The following KLK9 variants were observed in gnomAD, a reference collection of about 807,000 sequenced individuals.
KLK9 encodes the protein kallikrein related peptidase 9.
In KLK9, 26 loss-of-function variants were observed where a neutral mutation model predicts 23.3. The ratio of observed to expected loss-of-function variants is 1.12; its 90% CI spans 0.82 to 1.55. The LOEUF is 1.55. Among genes scored for constraint, KLK9 ranks in the 40% most tolerant of loss-of-function variants. The pLI, the probability that KLK9 is intolerant of heterozygous loss-of-function variation, is 0.00. For missense variants in KLK9, 346 were observed against 333.7 expected (o/e 1.04, Z -0.29); for synonymous variants, 122 against 128.5 (o/e 0.95, Z 0.34).
chr19:51,009,226 T>C lies in KLK9; in HGVS notation c.157A>G (p.Ile53Val). ...GCTGTGAGCAGCCAGCGGTCACTGA[T>C]GAGGGTCGCCCCACAGAAGAGCCGA... is the stretch of plus-strand genomic sequence containing the variant. The part of the protein sequence containing the change: ...LTRLFCGATL[I>V]SDRWLLTAAH... The change falls in exon 2 of 5, where the codon ATC becomes GTC. Residue 53 changes from isoleucine to valine, a missense_variant. Ile to Val is a conservative substitution (Grantham distance 29). Transcript: ENST00000594211. The surrounding 1 kb of genome is among the most constrained non-coding windows in gnomAD (Gnocchi z 4.8). The C allele has an allele frequency of 6.2e-7, 1 of 1,610,394 alleles. No individual in the cohort carries two copies.
intron 3 of KLK9, 103 bp from the exon 4 acceptor site, chr19:51,003,943 G>A: frequency 2.2e-6 from 2 of 891,780 alleles, no homozygotes; most frequent in South Asian, 3.1e-5. Context: ...GACCAATGGA[G>A]CCACATTTAG....
chr19:51,004,697 G>T, intron 3 of KLK9, among the ~76,000 whole-genome samples: 1 of 137,398 alleles, frequency 7.3e-6, no homozygotes. Flanking sequence ...GCAAGACTCA[G>T]TCTCTTAAAA....
At position 51,002,661 on chromosome 19, in the gene KLK9, C is replaced by G. The variant is rs763809438; in HGVS notation, c.*450G>C. The G allele has an allele frequency of 5.7e-5, 9 of 157,580 alleles. No homozygotes were observed. Among genetic ancestry groups the G allele is most frequent in the Admixed American group, 1.9e-4 (3 of 15,462 alleles). The allele number at this position is 157,580 out of a possible 1,614,324, so 9.8% of individuals were successfully genotyped here. ...CCACAAGGGGCTGAGCTCTACACCG[C>G]CCGAGCTCCACGTGGGCGGAGCTAC... On this transcript the variant is annotated 3_prime_UTR_variant, in exon 5 of 5. Transcript: ENST00000594211.
Position 51,009,120 on chromosome 19 carries a change from C to G in KLK9, c.200+63G>C. The G allele has an allele frequency of 6.5e-7, 1 of 1,544,400 alleles. No homozygotes were observed. The highest frequency in any genetic ancestry group is 1.2e-5 in the South Asian group (1 of 83,798). On this transcript the variant is annotated intron_variant, in intron 2 of 4. Transcript: ENST00000594211. The surrounding 1 kb of genome is among the most constrained non-coding windows in gnomAD (Gnocchi z 4.8). Reference sequence around the variant, plus strand: ...CTCCGCACTTCTGGCCTAAAGCACCCCTCACCCTCTCCTGACCCCCAGCCT... The same window carrying G: ...CTCCGCACTTCTGGCCTAAAGCACCGCTCACCCTCTCCTGACCCCCAGCCT...
chr19:51,009,295 G>A lies in KLK9; in HGVS notation c.88C>T (p.Arg30Cys), dbSNP rs764804237. Residue 30 changes from arginine to cysteine, a missense_variant, in exon 2 of 5, where the codon CGC becomes TGC. Transcript: ENST00000594211. The surrounding 1 kb of genome is among the most constrained non-coding windows in gnomAD (Gnocchi z 4.8). ...GCCTGCCAAGGCTGGGAGTTGGGGC[G>A]ACATTCCTCGGCCCCGATGGCACGG... is the stretch of plus-strand genomic sequence containing the variant. ...DTRAIGAEEC[R>C]PNSQPWQAGL... 15 of 1,598,484 alleles carry A rather than the reference G, an allele frequency of 9.4e-6. No individual in the cohort carries two copies. The highest frequency in any genetic ancestry group is 6.8e-5 in the South Asian group (6 of 88,516).
At chr19:51,007,872 C>CTAT (rs1364456505) in intron 2 of KLK9, among the ~76,000 whole-genome samples, 2 of 152,086 alleles carry the variant, frequency 1.3e-5, no homozygotes, top group Non-Finnish European at 2.9e-5. Context: ...TTCCGACACA[C>CTAT]TATTATCCAT....
At position 51,006,129 on chromosome 19, in the gene KLK9, C is replaced by G. The variant is rs1490490674; in HGVS notation, c.466+329G>C. The stretch of plus-strand genomic sequence containing the variant: ...ACAAAGCGAGACCCTGTCTCAAAAA[C>G]AAACAAACAAACAAACAAACAAACA... On this transcript the variant is annotated intron_variant, in intron 3 of 4. Coordinates refer to ENST00000594211, the MANE Select transcript of KLK9 (RefSeq NM_012315.2). This position sits in a 1 kb window ranked among gnomAD's most constrained non-coding sequence, Gnocchi z 4.1. 6.6e-6 allele frequency among the ~76,000 whole-genome samples: 1 copy of G among 150,468 alleles called. No homozygotes were observed.
intron 2 of KLK9, among the ~76,000 whole-genome samples, chr19:51,008,743 G>A (rs981922776): frequency 8.5e-5 from 13 of 152,140 alleles, no homozygotes; most frequent in African/African-American, 3.1e-4. Context: ...AAATCTATTA[G>A]AATTAATTTT....
At chr19:51,004,073 G>A (rs986618246) in intron 3 of KLK9, among the ~76,000 whole-genome samples, 1 of 152,094 alleles carries the variant, frequency 6.6e-6, no homozygotes, top group African/African-American at 2.4e-5. Flanking sequence ...GGGCACCGTG[G>A]CTCATGCCTG....
rs1414342421 is a variant in KLK9, at chr19:51,009,183, G to A, written c.200C>T (p.Pro67Leu). The change falls in exon 2 of 5, where the codon CCG becomes CTG. Residue 67 changes from proline to leucine, a missense_variant and splice_region_variant. By Grantham distance (98) the Pro-to-Leu change is moderately conservative. Coordinates refer to ENST00000594211, the MANE Select transcript of KLK9 (RefSeq NM_012315.2). The surrounding 1 kb of genome is among the most constrained non-coding windows in gnomAD (Gnocchi z 4.8). ...AGCATGGCCAGCCTGGGTCACTCAC[G>A]GCTTGCGGCAGTGGGCAGCTGTGAG... Reference protein sequence around the residue: ...WLLTAAHCRKPYLWVRLGEHH... With the variant: ...WLLTAAHCRKLYLWVRLGEHH... 14 of 1,605,376 alleles carry A rather than the reference G, an allele frequency of 8.7e-6. No homozygotes were observed. Among genetic ancestry groups the A allele is most frequent in the Non-Finnish European group, 1.1e-5 (13 of 1,178,140 alleles).
chr19:51,007,167 C>T (rs1038027754), intron 2 of KLK9, among the ~76,000 whole-genome samples: 9 of 151,810 alleles, frequency 5.9e-5, no homozygotes, highest in African/African-American at 7.2e-5. Flanking sequence ...TGTGTGTATA[C>T]GTGTGCGTGT....
At chr19:51,004,720 G>C (rs1185578955) in intron 3 of KLK9, among the ~76,000 whole-genome samples, 1 of 142,774 alleles carries the variant, frequency 7.0e-6, no homozygotes, top group Admixed American at 6.9e-5. Context: ...AAAAAAAAAA[G>C]AAATAGAAAA....
chr19:51,006,637 T>G lies in KLK9; in HGVS notation c.287A>C (p.His96Pro). 2 of 1,613,066 alleles carry G rather than the reference T, an allele frequency of 1.2e-6. No individual in the cohort carries two copies. Among genetic ancestry groups the G allele is most frequent in the Non-Finnish European group, 1.7e-6 (2 of 1,179,368 alleles). ...GCTGAGGTCCTTGTTGAAGCCAGGG[T>G]GGGGGAAGAAGTCCGTAACCCGGAA... is the stretch of plus-strand genomic sequence containing the variant. ...QLFRVTDFFP[H>P]PGFNKDLSAN... The change falls in exon 3 of 5, where the codon CAC becomes CCC. Residue 96 changes from histidine (H) to proline (P), a missense_variant. Transcript: ENST00000594211. The surrounding 1 kb of genome is among the most constrained non-coding windows in gnomAD (Gnocchi z 4.1).
In KLK9 at chr19:51,009,089, TG is replaced by T; in HGVS notation, c.200+93del. 1 of 1,384,930 alleles carries T rather than the reference TG, an allele frequency of 7.2e-7. No individual in the cohort carries two copies. Among genetic ancestry groups the T allele is most frequent in the Non-Finnish European group, 9.7e-7 (1 of 1,035,710 alleles). The allele number at this position is 1,384,930 out of a possible 1,614,324, so 85.8% of individuals were successfully genotyped here. A position where few individuals can be genotyped will look rare whatever the true frequency, so the allele number is the denominator to read the frequency against. On this transcript the variant is annotated intron_variant, in intron 2 of 4. Coordinates refer to ENST00000594211, the MANE Select transcript of KLK9 (RefSeq NM_012315.2). This position sits in a 1 kb window ranked among gnomAD's most constrained non-coding sequence, Gnocchi z 4.8. ...AGAGTTGAACTTGTGGTATCAGAAG[TG>T]GAGGCTCCGCACTTCTGGCCTAAAG...
Position 51,009,231 on chromosome 19 carries a change from G to T in KLK9, c.152C>A (p.Thr51Asn), listed in dbSNP as rs778184487. ...GAGCAGCCAGCGGTCACTGATGAGG[G>T]TCGCCCCACAGAAGAGCCGAGTAAG... is the stretch of plus-strand genomic sequence containing the variant. ...FHLTRLFCGA[T>N]LISDRWLLTA... Residue 51 changes from threonine (T) to asparagine (N), a missense_variant, in exon 2 of 5, where the codon ACC becomes AAC. Coordinates refer to ENST00000594211, the MANE Select transcript of KLK9 (RefSeq NM_012315.2). The surrounding 1 kb of genome is among the most constrained non-coding windows in gnomAD (Gnocchi z 4.8). 1.9e-6 allele frequency: 3 copies of T among 1,610,484 alleles called. No individual in the cohort carries two copies. The highest frequency in any genetic ancestry group is 3.3e-5 in the Admixed American group (2 of 59,770).
chr19:51,004,563 GC>G (rs2091248585), intron 3 of KLK9, among the ~76,000 whole-genome samples: 1 of 150,986 alleles, frequency 6.6e-6, no homozygotes, highest in South Asian at 2.1e-4. Flanking sequence ...AGCTGGGCAT[GC>G]TGTTGCACAC....
At chr19:51,004,819 T>C (rs1312450338) in intron 3 of KLK9, among the ~76,000 whole-genome samples, 1 of 151,818 alleles carries the variant, frequency 6.6e-6, no homozygotes, top group Non-Finnish European at 1.5e-5. Context: ...GACAGAGACA[T>C]AGACAGAGAT....
rs1431760292 is a variant in KLK9, at chr19:51,002,856, G to A, written c.*255C>T. The A allele has an allele frequency of 1.2e-5, 5 of 420,650 alleles. No homozygotes were observed. The highest frequency in any genetic ancestry group is 2.1e-5 in the Non-Finnish European group (5 of 237,396). 26.1% of individuals were successfully genotyped at this position (420,650 alleles called of 1,614,324 possible). The stretch of plus-strand genomic sequence containing the variant: ...GGCTGTGCTGTTCCAAGAAGGAGGT[G>A]ATGGCTGTCGGTGACGTCATAGAGA... On this transcript the variant is annotated 3_prime_UTR_variant, in exon 5 of 5. Coordinates refer to ENST00000594211, the MANE Select transcript of KLK9 (RefSeq NM_012315.2).
In KLK9 at chr19:51,006,494, G is replaced by A. The variant is rs1474327487; in HGVS notation, c.430C>T (p.Leu144Phe). Residue 144 changes from leucine (L) to phenylalanine (F), a missense_variant, in exon 3 of 5, where the codon CTC becomes TTC. Coordinates refer to ENST00000594211, the MANE Select transcript of KLK9 (RefSeq NM_012315.2). The surrounding 1 kb of genome is among the most constrained non-coding windows in gnomAD (Gnocchi z 4.1). ...QTCVSPGMQC[L>F]ISGWGAVSSP... ...GACACGGCCCCCCAGCCTGAGATGA[G>A]ACACTGCATGCCTGGGGAGACACAG... 1 of 1,612,976 alleles carries A rather than the reference G, an allele frequency of 6.2e-7. No homozygotes were observed. Among genetic ancestry groups the A allele is most frequent in the Non-Finnish European group, 8.5e-7 (1 of 1,179,314 alleles).
Sources: allele counts gnomAD v4.1 joint callset (sites outside exome capture counted in the v4.1 genomes callset), GRCh38; gene constraint gnomAD v4.1.1; non-coding constraint Gnocchi (gnomAD v3.1); transcripts MANE v1.5; gene names NCBI Gene and HGNC (gene_info 2026-07-23, HGNC 2026-07-21).